Variants in SYNPR observed in about 807,000 individuals in gnomAD.
SYNPR encodes the protein synaptoporin.
SYNPR carries 23 observed loss-of-function variants against 32.9 expected under a neutral mutation model. That is an observed-to-expected ratio of 0.70 (90% CI 0.50 to 0.99). The LOEUF (loss-of-function observed/expected upper bound fraction) is 0.99. Ranked by LOEUF, SYNPR falls within the 50% of genes least tolerant of loss-of-function variation. The pLI is 0.00. For missense variants in SYNPR, 318 were observed against 349.3 expected (o/e 0.91, Z 0.71); for synonymous variants, 146 against 135.9 (o/e 1.07, Z -0.52).
At chr3:63,331,633 T>C (rs1241817519) in intron 2 of SYNPR, among the ~76,000 whole-genome samples, 2 of 152,124 alleles carry the variant, frequency 1.3e-5, no homozygotes, top group Non-Finnish European at 2.9e-5. Flanking sequence ...TATAAGTCCA[T>C]GCTAACACTT....
chr3:63,302,211 A>C (rs1198012825), intron 2 of SYNPR, among the ~76,000 whole-genome samples: 1 of 152,034 alleles, frequency 6.6e-6, no homozygotes, highest in African/African-American at 2.4e-5. Flanking sequence ...CCCCAGCTTT[A>C]GGAGAGTTGC....
intron 4 of SYNPR, among the ~76,000 whole-genome samples, chr3:63,594,352 A>C (rs779318359): frequency 1.3e-5 from 2 of 152,214 alleles, no homozygotes; most frequent in African/African-American, 4.8e-5. Context: ...ACAGTCAATA[A>C]TAGTCACCTC....
chr3:63,424,531 ATTAC>A (rs1699857902), intron 2 of SYNPR, among the ~76,000 whole-genome samples: 1 of 152,202 alleles, frequency 6.6e-6, no homozygotes, highest in African/African-American at 2.4e-5. Flanking sequence ...CTCAATAACA[ATTAC>A]TTATTATTTC....
intron 4 of SYNPR, among the ~76,000 whole-genome samples, chr3:63,569,490 A>C (rs1007344731): frequency 6.6e-6 from 1 of 152,248 alleles, no homozygotes; most frequent in Non-Finnish European, 1.5e-5. Context: ...GAATAAAAAA[A>C]CTAAAATAAA....
At chr3:63,573,278 C>T (rs1702920547) in intron 4 of SYNPR, among the ~76,000 whole-genome samples, 1 of 152,136 alleles carries the variant, frequency 6.6e-6, no homozygotes, top group Admixed American at 6.6e-5. Flanking sequence ...GTGGACAACG[C>T]AGGTGAAGGG....
At chr3:63,479,819 C>G (rs1317507966) in intron 2 of SYNPR, among the ~76,000 whole-genome samples, 1 of 152,174 alleles carries the variant, frequency 6.6e-6, no homozygotes, top group Non-Finnish European at 1.5e-5. Flanking sequence ...TTCCCAAGGT[C>G]ACATTCCAGA....
chr3:63,361,630 T>C (rs912948034), intron 2 of SYNPR, among the ~76,000 whole-genome samples: 2 of 148,676 alleles, frequency 1.3e-5, no homozygotes, highest in Admixed American at 6.7e-5. Flanking sequence ...GGGGGGGATA[T>C]AAAGCCAACA....
chr3:63,360,475 G>A (rs1195468024), intron 2 of SYNPR, among the ~76,000 whole-genome samples: 2 of 152,218 alleles, frequency 1.3e-5, no homozygotes, highest in Non-Finnish European at 2.9e-5. Flanking sequence ...ATTAAAGCAT[G>A]TCTAGCCTTC....
At chr3:63,510,936 C>CGT (rs10657639) in intron 3 of SYNPR, among the ~76,000 whole-genome samples, 56,888 of 150,412 alleles carry the variant, frequency 0.38, 10,854 homozygotes, top group Non-Finnish European at 0.42. Context: ...TGTGTGTGTG[C>CGT]GCGCACGTTG....
chr3:63,369,244 G>A (rs950464004), intron 2 of SYNPR, among the ~76,000 whole-genome samples: 1 of 152,102 alleles, frequency 6.6e-6, no homozygotes, highest in African/African-American at 2.4e-5. Context: ...GGGACCTCAG[G>A]AGAATCCAAC....
rs889247547 is a variant in SYNPR at position 63,486,571 on chromosome 3, C to T, written c.209+5615C>T. ...TGCACTCAAATCTTGATCTCAGGGG[C>T]TGCCTCTGAGAAGTCCAACCTAAGA... is the stretch of plus-strand genomic sequence containing the variant. On this transcript the variant is annotated intron_variant, in intron 3 of 5. Coordinates refer to ENST00000478300, the MANE Select transcript of SYNPR (RefSeq NM_001130003.2). 3.3e-5 allele frequency among the ~76,000 whole-genome samples: 5 copies of T among 152,306 alleles called. No homozygotes were observed. The East Asian group carries it at 9.6e-4, about 29-fold the overall frequency.
chr3:63,378,842 C>G (rs1054618146), intron 2 of SYNPR, among the ~76,000 whole-genome samples: 4 of 151,276 alleles, frequency 2.6e-5, no homozygotes, highest in African/African-American at 9.7e-5. Flanking sequence ...GTTTATTTTG[C>G]TCCCTTTATT....
intron 2 of SYNPR, among the ~76,000 whole-genome samples, chr3:63,263,293 C>G (rs527454874): frequency 6.6e-6 from 1 of 152,308 alleles, no homozygotes; most frequent in South Asian, 2.1e-4. Context: ...CATCTCTCAC[C>G]TAGATGATCT....
At chr3:63,404,697 T>A (rs1237348228) in intron 2 of SYNPR, among the ~76,000 whole-genome samples, 3 of 152,154 alleles carry the variant, frequency 2.0e-5, no homozygotes, top group Non-Finnish European at 2.9e-5. Context: ...TATTTTCAAG[T>A]AAAAATCATA....
At chr3:63,275,789 T>G (rs1165827277), upstream of SYNPR, among the ~76,000 whole-genome samples, 1 of 152,194 alleles carries the variant, frequency 6.6e-6, no homozygotes, top group African/African-American at 2.4e-5. Flanking sequence ...GGAACTAAAC[T>G]GGTAATAGGT....
intron 4 of SYNPR, among the ~76,000 whole-genome samples, chr3:63,607,506 G>A (rs1341464317): frequency 6.6e-6 from 1 of 152,046 alleles, no homozygotes; most frequent in African/African-American, 2.4e-5. Context: ...TCTCAGAAAG[G>A]CTCATAAGGA....
chr3:63,352,410 C>T (rs2087522098), intron 2 of SYNPR, among the ~76,000 whole-genome samples: 2 of 152,100 alleles, frequency 1.3e-5, no homozygotes, highest in African/African-American at 4.8e-5. Flanking sequence ...TATCATAAAG[C>T]TCGATGGTTC....
chr3:63,429,102 CT>C (rs959762631), intron 2 of SYNPR, among the ~76,000 whole-genome samples: 10 of 152,128 alleles, frequency 6.6e-5, no homozygotes, highest in Admixed American at 2.0e-4. Flanking sequence ...AAAGATTTTT[CT>C]TTTTTCTTTG....
At chr3:63,442,957 C>G in intron 2 of SYNPR, 1 of 928,694 alleles carries the variant, frequency 1.1e-6, no homozygotes, top group Non-Finnish European at 1.3e-6. Context: ...CCTTAAAACA[C>G]AAAATTCTGG....
Sources: gnomAD v4.1 joint callset for allele counts (sites outside exome capture counted in the v4.1 genomes callset) on GRCh38, gnomAD v4.1.1 for gene constraint, MANE v1.5 for transcripts, NCBI Gene and HGNC (gene_info 2026-07-23, HGNC 2026-07-21) for gene names.